Variants in DACH1 observed in about 807,000 individuals in gnomAD.
DACH1 encodes the protein dachshund homolog 1.
DACH1 carries 12 observed loss-of-function variants against 54.2 expected under a neutral mutation model. The ratio of observed to expected loss-of-function variants is 0.22; its 90% CI spans 0.14 to 0.36. The LOEUF is 0.36. Ranked by LOEUF, DACH1 falls within the 10% of genes least tolerant of loss-of-function variation. DACH1 has a pLI of 1.00. For missense variants in DACH1, 805 were observed against 929.8 expected (o/e 0.87, Z 1.75); for synonymous variants, 386 against 366.2 (o/e 1.05, Z -0.62).
chr13:71,576,742 T>C (rs373138653), intron 3 of DACH1, among the ~76,000 whole-genome samples: 1 of 152,150 alleles, frequency 6.6e-6, no homozygotes, highest in Non-Finnish European at 1.5e-5. Flanking sequence ...ATTTTGAGTA[T>C]AATAAATCCA....
intron 6 of DACH1, among the ~76,000 whole-genome samples, chr13:71,554,254 G>T (rs1301735524): frequency 2.0e-5 from 3 of 151,858 alleles, no homozygotes; most frequent in Middle Eastern, 3.2e-3. Context: ...CAAGAGAAAA[G>T]CATCACATAA....
chr13:71,829,786 C>T (rs1390748828), intron 1 of DACH1, among the ~76,000 whole-genome samples: 1 of 151,872 alleles, frequency 6.6e-6, no homozygotes, highest in African/African-American at 2.4e-5. Context: ...GTTTGTCTAC[C>T]TTAACCAGTC....
intron 1 of DACH1, among the ~76,000 whole-genome samples, chr13:71,798,323 C>CATACATAT (rs1292029760): frequency 3.1e-4 from 30 of 96,474 alleles, no homozygotes; most frequent in African/African-American, 9.7e-4. Context: ...TTGTTACATA[C>CATACATAT]ATATATATAT....
At chr13:71,747,415 C>G (rs1056396801) in intron 1 of DACH1, among the ~76,000 whole-genome samples, 2 of 152,054 alleles carry the variant, frequency 1.3e-5, no homozygotes, top group Admixed American at 6.6e-5. Context: ...CCTGTCTCTA[C>G]TAAAAAAATT....
chr13:71,493,155 C>T (rs957267594), intron 6 of DACH1, among the ~76,000 whole-genome samples: 17 of 151,776 alleles, frequency 1.1e-4, no homozygotes, highest in Non-Finnish European at 2.2e-4. Flanking sequence ...AAGAATACAA[C>T]AAACATGAGA....
chr13:71,529,314 G>A (rs1435746979), intron 6 of DACH1, among the ~76,000 whole-genome samples: 3 of 151,218 alleles, frequency 2.0e-5, no homozygotes, highest in Non-Finnish European at 2.9e-5. Context: ...AGCCTCCTGA[G>A]TAGCTGGGAC....
chr13:71,701,236 CAAT>C (rs1882123620), intron 1 of DACH1, among the ~76,000 whole-genome samples: 1 of 151,760 alleles, frequency 6.6e-6, no homozygotes, highest in African/African-American at 2.4e-5. Context: ...TATTTGAAGT[CAAT>C]AAACATAAAT....
At chr13:71,827,622 A>G (rs1368206956) in intron 1 of DACH1, among the ~76,000 whole-genome samples, 1 of 152,092 alleles carries the variant, frequency 6.6e-6, no homozygotes, top group South Asian at 2.1e-4. Context: ...GGTCATTGAT[A>G]GAACGCTCCT....
intron 10 of DACH1, among the ~76,000 whole-genome samples, chr13:71,471,194 AG>A (rs1172935848): frequency 6.6e-6 from 1 of 151,582 alleles, no homozygotes; most frequent in East Asian, 1.9e-4. Flanking sequence ...ATAGAGGATG[AG>A]GGAGTGAGGG....
At chr13:71,507,184 T>C (rs1288767040) in intron 6 of DACH1, among the ~76,000 whole-genome samples, 1 of 152,214 alleles carries the variant, frequency 6.6e-6, no homozygotes, top group Non-Finnish European at 1.5e-5. Flanking sequence ...ATCCCCGATC[T>C]ATCCATGCAG....
At chr13:71,808,683 TA>T (rs1887601787) in intron 1 of DACH1, among the ~76,000 whole-genome samples, 1 of 152,194 alleles carries the variant, frequency 6.6e-6, no homozygotes, top group Non-Finnish European at 1.5e-5. Context: ...TGTATGTCTT[TA>T]GAGAAGTTTA....
At chr13:71,807,048 C>T (rs1887531717) in intron 1 of DACH1, among the ~76,000 whole-genome samples, 1 of 152,132 alleles carries the variant, frequency 6.6e-6, no homozygotes, top group African/African-American at 2.4e-5. Context: ...AGGTGGGTTC[C>T]AGGAATGAGA....
Position 71,866,002 on chromosome 13 carries a change from G to A in DACH1, c.768C>T (p.Ala256=). The A allele has an allele frequency of 6.2e-7, 1 of 1,613,982 alleles. No individual in the cohort carries two copies. The highest frequency in any genetic ancestry group is 8.5e-7 in the Non-Finnish European group (1 of 1,179,998). ...TGCAGCGGTTCACTCCTGGCTGGAT[G>A]GCGCCCAGTCCCCTCAGGATGCGAA... ...EQVRILRGLG[A]IQPGVNRCKL... The change falls in exon 1 of 11, where the codon GCC becomes GCT. Residue 256 remains alanine (A), a synonymous_variant. Coordinates refer to ENST00000613252, the MANE Select transcript of DACH1 (RefSeq NM_080759.6).
rs936299297 is a variant in DACH1, at chr13:71,849,404, A to C, written c.848+16518T>G. Among the ~76,000 whole-genome samples, 10 of 152,214 alleles carry C rather than the reference A, an allele frequency of 6.6e-5. No individual in the cohort carries two copies. The South Asian group carries it at 1.0e-3, about 16-fold the overall frequency. ...CTATGGGCAAGAGACCTGCCGTTAC[A>C]CAAGCCTGTGGATCGACTGGTCTTG... On this transcript the variant is annotated intron_variant, in intron 1 of 10. Transcript: ENST00000613252.
intron 1 of DACH1, among the ~76,000 whole-genome samples, chr13:71,848,109 A>T (rs1057356137): frequency 1.3e-5 from 2 of 152,186 alleles, no homozygotes; most frequent in African/African-American, 4.8e-5. Flanking sequence ...CTACTTAAAA[A>T]GAAATCAGAG....
chr13:71,663,437 G>A (rs1879636263), intron 2 of DACH1, among the ~76,000 whole-genome samples: 1 of 151,912 alleles, frequency 6.6e-6, no homozygotes, highest in Non-Finnish European at 1.5e-5. Context: ...TCAAATTTGA[G>A]GAGTAGAGCC....
chr13:71,518,745 T>C (rs1018016391), intron 6 of DACH1, among the ~76,000 whole-genome samples: 9 of 151,776 alleles, frequency 5.9e-5, no homozygotes, highest in Admixed American at 1.3e-4. Context: ...ATAAACTATT[T>C]TGGAACAAGA....
intron 2 of DACH1, among the ~76,000 whole-genome samples, chr13:71,647,707 T>G (rs963575730): frequency 2.6e-5 from 4 of 152,082 alleles, no homozygotes; most frequent in Non-Finnish European, 5.9e-5. Context: ...AATACCTGAA[T>G]CAAGTTAGGA....
chr13:71,504,611 C>T (rs1456099929), intron 6 of DACH1, among the ~76,000 whole-genome samples: 4 of 152,100 alleles, frequency 2.6e-5, no homozygotes, highest in Non-Finnish European at 5.9e-5. Context: ...TGAAGTCTTG[C>T]AGACCTGATC....
Sources: allele counts gnomAD v4.1 joint callset (sites outside exome capture counted in the v4.1 genomes callset), GRCh38; gene constraint gnomAD v4.1.1; transcripts MANE v1.5; gene names NCBI Gene and HGNC (gene_info 2026-07-23, HGNC 2026-07-21).